Variants in ATRN observed in about 807,000 individuals in gnomAD.
ATRN encodes attractin, also known as attractin-2.
ATRN carries 54 observed loss-of-function variants against 178.7 expected under a neutral mutation model. The observed-to-expected ratio is 0.30, with a 90% CI of 0.24 to 0.38. The LOEUF (loss-of-function observed/expected upper bound fraction) is 0.38. Among genes scored for constraint, ATRN ranks in the 10% least tolerant of loss-of-function variants. The pLI, the probability that ATRN is intolerant of heterozygous loss-of-function variation, is 1.00. For missense variants in ATRN, 1,443 were observed against 1,815.1 expected, an observed-to-expected ratio of 0.79 and a Z score of 3.73; for synonymous variants, 636 against 663.0, an observed-to-expected ratio of 0.96 and a Z score of 0.63.
intron 1 of ATRN, among the ~76,000 whole-genome samples, chr20:3,488,881 A>G (rs572011838): frequency 1.4e-4 from 22 of 152,114 alleles, no homozygotes; most frequent in Non-Finnish European, 2.1e-4. Flanking sequence ...AATCTTTTCT[A>G]ATTTGTCTTA....
chr20:3,538,410 A>G (rs1162374412), intron 2 of ATRN, among the ~76,000 whole-genome samples: 1 of 152,052 alleles, frequency 6.6e-6, no homozygotes, highest in African/African-American at 2.4e-5. Flanking sequence ...TTTACTGTGA[A>G]TATAGTTTTG....
chr20:3,608,938 C>T (rs1306953909), intron 24 of ATRN, among the ~76,000 whole-genome samples: 1 of 149,950 alleles, frequency 6.7e-6, no homozygotes. Context: ...CTACATTCTA[C>T]CCTGGGCAAA....
rs1157790251 is a variant in ATRN, at chr20:3,647,274, ATGAAT to A, written c.*430_*434del. On this transcript the variant is annotated 3_prime_UTR_variant, in exon 29 of 29. Transcript: ENST00000262919. ...ACATGGTCTTTTAAAAACTAGTCAG[ATGAAT>A]TGTTTTCATCTGAAGCCTGCTATCT... is the stretch of plus-strand genomic sequence containing the variant. The A allele has an allele frequency of 2.7e-5, 1 of 37,446 alleles. No homozygotes were observed. Among genetic ancestry groups the A allele is most frequent in the African/African-American group, 1.9e-4 (1 of 5,160 alleles). The allele number at this position is 37,446 out of a possible 1,614,324, so 2.3% of individuals were successfully genotyped here.
intron 1 of ATRN, among the ~76,000 whole-genome samples, chr20:3,531,235 A>G (rs903588015): frequency 6.6e-6 from 1 of 152,256 alleles, no homozygotes; most frequent in Non-Finnish European, 1.5e-5. Context: ...ATAATTTAAA[A>G]GAAACAGGAA....
At chr20:3,633,160 G>T (rs2087001449) in intron 25 of ATRN, among the ~76,000 whole-genome samples, 1 of 151,198 alleles carries the variant, frequency 6.6e-6, no homozygotes, top group Non-Finnish European at 1.5e-5. Flanking sequence ...TAGACTGTCA[G>T]AAGAGTTGGC....
At chr20:3,511,431 T>G (rs1158314644) in intron 1 of ATRN, among the ~76,000 whole-genome samples, 3 of 152,008 alleles carry the variant, frequency 2.0e-5, no homozygotes, top group Non-Finnish European at 4.4e-5. Flanking sequence ...AGGATTTTTT[T>G]TAGTAGGTTT....
At chr20:3,571,663 T>C (rs1470832010) in intron 11 of ATRN, among the ~76,000 whole-genome samples, 1 of 152,142 alleles carries the variant, frequency 6.6e-6, no homozygotes, top group Non-Finnish European at 1.5e-5. Flanking sequence ...TTCTCATATG[T>C]TTAAGGTCAT....
chr20:3,492,854 G>GAAAGGGAGAGAGAGAGAGAGAGAGGCGC (rs1555807888), intron 1 of ATRN, among the ~76,000 whole-genome samples: 2 of 132,434 alleles, frequency 1.5e-5, no homozygotes, highest in East Asian at 4.0e-4. Context: ...GAGAGAGAGA[G>GAAAGGGAGAGAGAGAGAGAGAGAGGCGC]GCGCGCGCGC....
At chr20:3,519,112 A>G (rs950783395) in intron 1 of ATRN, among the ~76,000 whole-genome samples, 1 of 151,982 alleles carries the variant, frequency 6.6e-6, no homozygotes, top group Non-Finnish European at 1.5e-5. Flanking sequence ...GGCAAGGACC[A>G]TGAAGCTGCA....
intron 21 of ATRN, among the ~76,000 whole-genome samples, chr20:3,597,597 C>T (rs2086549224): frequency 6.6e-6 from 1 of 152,138 alleles, no homozygotes; most frequent in South Asian, 2.1e-4. Flanking sequence ...AAAACCTGGC[C>T]TTACCAGGCA....
intron 4 of ATRN, among the ~76,000 whole-genome samples, chr20:3,546,604 G>C (rs957277031): frequency 6.6e-6 from 1 of 151,924 alleles, no homozygotes; most frequent in Non-Finnish European, 1.5e-5. Context: ...TGTTGGCCAG[G>C]CTGGTCTTGA....
intron 18 of ATRN, among the ~76,000 whole-genome samples, chr20:3,589,651 G>A (rs568489465): frequency 4.6e-5 from 7 of 152,104 alleles, no homozygotes; most frequent in Non-Finnish European, 1.0e-4. Flanking sequence ...ATAACTAAAT[G>A]TGTAGATCTG....
In ATRN at chr20:3,520,889, A is replaced by G. The variant is rs6107301; in HGVS notation, c.411-14364A>G. ...AACAAAATATAGATGGAAAGAACAAAATTAATATTTAGGTCATCTACTAAA... is the reference window on the plus strand; with the variant it reads ...AACAAAATATAGATGGAAAGAACAAGATTAATATTTAGGTCATCTACTAAA... On this transcript the variant is annotated intron_variant, in intron 1 of 28. Coordinates refer to ENST00000262919, the MANE Select transcript of ATRN (RefSeq NM_139321.3). Among the ~76,000 whole-genome samples the G allele has an allele frequency of 7.9e-3, 1,211 of 152,340 alleles. 22 individuals are homozygous for G. Among genetic ancestry groups the G allele is most frequent in the African/African-American group, 0.028 (1,149 of 41,570 alleles).
chr20:3,634,516 A>G, intron 26 of ATRN, 127 bp downstream of exon 26: 2 of 760,090 alleles, frequency 2.6e-6, no homozygotes, highest in Non-Finnish European at 4.3e-6. Context: ...GGAAGGAATA[A>G]TGCAGCCCTT....
chr20:3,563,141 A>G (rs2085978156), intron 9 of ATRN, 68 bp from the exon 10 acceptor site: 1 of 1,401,286 alleles, frequency 7.1e-7, no homozygotes, highest in African/African-American at 1.4e-5. Context: ...TTGTGCTTGC[A>G]TTAGCAGATA....
intron 26 of ATRN, among the ~76,000 whole-genome samples, chr20:3,635,145 G>A (rs1250009567): frequency 6.6e-6 from 1 of 151,956 alleles, no homozygotes; most frequent in Non-Finnish European, 1.5e-5. Flanking sequence ...TCACTTACAA[G>A]TGGGAACTAA....
intron 24 of ATRN, among the ~76,000 whole-genome samples, chr20:3,617,020 A>G (rs1210774738): frequency 6.6e-6 from 1 of 152,240 alleles, no homozygotes; most frequent in Non-Finnish European, 1.5e-5. Context: ...TGTATGCCAG[A>G]TGAGTATATA....
intron 13 of ATRN, 144 bp from the exon 14 acceptor site, chr20:3,576,715 A>ATCTATCTG (rs1256618028): frequency 4.6e-5 from 30 of 646,342 alleles, no homozygotes; most frequent in African/African-American, 3.8e-4. Context: ...CTATCTATCT[A>ATCTATCTG]TCTATCTATC....
chr20:3,584,215 C>G, intron 17 of ATRN, 132 bp downstream of exon 17: 4 of 927,774 alleles, frequency 4.3e-6, no homozygotes, highest in Non-Finnish European at 6.6e-6. Flanking sequence ...TCAAACCTGA[C>G]CAGAGACTGC....
Sources: gnomAD v4.1 joint callset for allele counts (sites outside exome capture counted in the v4.1 genomes callset) on GRCh38, gnomAD v4.1.1 for gene constraint, MANE v1.5 for transcripts, NCBI Gene and HGNC (gene_info 2026-07-23, HGNC 2026-07-21) for gene names.